Variants in PALLD observed in about 807,000 individuals in gnomAD.
The protein encoded by PALLD is palladin, cytoskeletal associated protein.
PALLD carries 61 observed loss-of-function variants against 123.5 expected under a neutral mutation model. That is an observed-to-expected ratio of 0.49 (90% CI 0.40 to 0.61). PALLD has a LOEUF of 0.61. Ranked by LOEUF, PALLD falls within the 20% of genes least tolerant of loss-of-function variation. PALLD has a pLI of 0.00. For synonymous variants in PALLD, 465 were observed against 496.4 expected (o/e 0.94, Z 0.84); for missense variants, 1,273 against 1,377.0 (o/e 0.92, Z 1.20).
At chr4:168,569,825 C>A (rs1255387914) in intron 2 of PALLD, among the ~76,000 whole-genome samples, 1 of 152,124 alleles carries the variant, frequency 6.6e-6, no homozygotes, top group African/African-American at 2.4e-5. Context: ...TTCATTAACT[C>A]TTCTGCTGCC....
At chr4:168,878,804 T>A (rs1752215704) in intron 10 of PALLD, among the ~76,000 whole-genome samples, 1 of 152,022 alleles carries the variant, frequency 6.6e-6, no homozygotes, top group Non-Finnish European at 1.5e-5. Context: ...CTGAGGAGTC[T>A]AGGAGTTAAA....
At position 168,927,325 on chromosome 4, in the gene PALLD, A is replaced by ACAT. The variant is rs1762692882; in HGVS notation, c.*1146_*1148dup. 1 of 232,220 alleles carries ACAT rather than the reference A, an allele frequency of 4.3e-6. No individual in the cohort carries two copies. The highest frequency in any genetic ancestry group is 2.2e-5 in the African/African-American group (1 of 45,288). The allele number at this position is 232,220 out of a possible 1,614,324, so 14.4% of individuals were successfully genotyped here. On this transcript the variant is annotated 3_prime_UTR_variant, in exon 22 of 22. Transcript: ENST00000505667. ...CAGGCTTTTCTTTGGTTTTCTTCAA[A>ACAT]CATAGGTGAAAAAAACACTGCCATT...
intron 2 of PALLD, among the ~76,000 whole-genome samples, chr4:168,589,181 G>A (rs1159728559): frequency 6.6e-6 from 1 of 152,210 alleles, no homozygotes; most frequent in Non-Finnish European, 1.5e-5. Context: ...TGATTGTAAT[G>A]TATGGTAAAT....
intron 10 of PALLD, among the ~76,000 whole-genome samples, chr4:168,772,682 T>C (rs1164859983): frequency 6.6e-6 from 1 of 152,220 alleles, no homozygotes; most frequent in East Asian, 1.9e-4. Flanking sequence ...GACACTGTAG[T>C]GGAGGCCAGC....
chr4:168,714,428 G>A (rs1785141236), intron 10 of PALLD, among the ~76,000 whole-genome samples: 2 of 152,114 alleles, frequency 1.3e-5, no homozygotes, highest in Admixed American at 1.3e-4. Context: ...TGTTCTCAAA[G>A]TTGTATTATT....
intron 1 of PALLD, among the ~76,000 whole-genome samples, chr4:168,497,738 G>A (rs1760899527): frequency 2.0e-5 from 3 of 152,194 alleles, no homozygotes; most frequent in South Asian, 2.1e-4. Context: ...TTATATTCAT[G>A]CATAAAATTT....
At chr4:168,586,358 A>T (rs1356283264) in intron 2 of PALLD, among the ~76,000 whole-genome samples, 1 of 151,900 alleles carries the variant, frequency 6.6e-6, no homozygotes, top group East Asian at 1.9e-4. Context: ...TTTTTTTTAC[A>T]CACCTTGTTA....
At chr4:168,866,172 G>A (rs1750256098) in intron 10 of PALLD, among the ~76,000 whole-genome samples, 1 of 152,112 alleles carries the variant, frequency 6.6e-6, no homozygotes, top group African/African-American at 2.4e-5. Flanking sequence ...GGCTGAGGCA[G>A]AAGGATCAGT....
At chr4:168,789,473 G>A (rs1318731387) in intron 10 of PALLD, among the ~76,000 whole-genome samples, 6 of 152,156 alleles carry the variant, frequency 3.9e-5, no homozygotes, top group African/African-American at 9.7e-5. Context: ...TTGGGAGGCC[G>A]AGGCAGGCGG....
In PALLD at chr4:168,508,415, C is replaced by G. The variant is rs926069163; in HGVS notation, c.-82-3008C>G. Among the ~76,000 whole-genome samples, 5 of 152,312 alleles carry G rather than the reference C, an allele frequency of 3.3e-5. No homozygotes were observed. The South Asian group carries it at 1.0e-3, about 32-fold the overall frequency. ...CATATCCCCGTCCCTAGCGCACTACCAGGCATGTGGTAGATAGTCCATAAA... is the reference window on the plus strand; with the variant it reads ...CATATCCCCGTCCCTAGCGCACTACGAGGCATGTGGTAGATAGTCCATAAA... On this transcript the variant is annotated intron_variant, in intron 1 of 21. Transcript: ENST00000505667.
chr4:168,575,200 C>G (rs1416446087), intron 2 of PALLD, among the ~76,000 whole-genome samples: 3 of 152,044 alleles, frequency 2.0e-5, no homozygotes, highest in African/African-American at 4.8e-5. Flanking sequence ...TGAGCTCCAC[C>G]CCACTTGGAT....
intron 10 of PALLD, 68 bp from the exon 11 acceptor site, chr4:168,890,854 C>A (rs138489875): frequency 6.5e-7 from 1 of 1,540,962 alleles, no homozygotes; most frequent in East Asian, 2.2e-5. Context: ...CTTTGTTGGA[C>A]TTGAACGTTT....
intron 2 of PALLD, among the ~76,000 whole-genome samples, chr4:168,562,099 A>G (rs1767927285): frequency 7.1e-6 from 1 of 141,142 alleles, no homozygotes; most frequent in Non-Finnish European, 1.6e-5. Flanking sequence ...CACAAGGATA[A>G]AAAAAAAAAA....
At position 168,711,803 on chromosome 4, in the gene PALLD, C is replaced by T; in HGVS notation, c.1844C>T (p.Pro615Leu). ...GAGAGGGAAACGAACGGAGTCCATC[C>T]CAGCCGTGGAGTAAATGGACTGATT... ...AAERETNGVH[P>L]SRGVNGLING... is the part of the protein sequence containing the mutation. The change falls in exon 10 of 22, where the codon CCC becomes CTC. Residue 615 changes from proline (P) to leucine (L), a missense_variant. By Grantham distance (98) the Pro-to-Leu change is moderately conservative. Coordinates refer to ENST00000505667, the MANE Select transcript of PALLD (RefSeq NM_001166108.2). 6.2e-7 allele frequency: 1 copy of T among 1,614,026 alleles called. No homozygotes were observed. Among genetic ancestry groups the T allele is most frequent in the Non-Finnish European group, 8.5e-7 (1 of 1,179,912 alleles).
At chr4:168,709,791 A>G (rs1392309125) in intron 9 of PALLD, among the ~76,000 whole-genome samples, 2 of 151,958 alleles carry the variant, frequency 1.3e-5, no homozygotes, top group Non-Finnish European at 2.9e-5. Flanking sequence ...AGTGGAGATG[A>G]CAAACAAAAA....
chr4:168,878,192 G>T lies in PALLD; in HGVS notation c.1965-12730G>T. ...ACCCCCGGTCTTCAGCCCCACGGCT[G>T]CCTTCCCGGTGCCCGACGTGTTCCC... is the stretch of plus-strand genomic sequence containing the variant. On this transcript the variant is annotated intron_variant, in intron 10 of 21. Transcript: ENST00000505667. 1 of 1,509,102 alleles carries T rather than the reference G, an allele frequency of 6.6e-7. No individual in the cohort carries two copies. Among genetic ancestry groups the T allele is most frequent in the Non-Finnish European group, 8.8e-7 (1 of 1,137,540 alleles). 93.5% of individuals were successfully genotyped at this position (1,509,102 alleles called of 1,614,324 possible).
chr4:168,650,629 A>T (rs1487462620), intron 2 of PALLD, among the ~76,000 whole-genome samples: 2 of 152,180 alleles, frequency 1.3e-5, no homozygotes, highest in Non-Finnish European at 2.9e-5. Context: ...ATGTATCCTA[A>T]ATTTTGTCAA....
chr4:168,807,161 A>C (rs1458696001), intron 10 of PALLD, among the ~76,000 whole-genome samples: 1 of 152,096 alleles, frequency 6.6e-6, no homozygotes, highest in African/African-American at 2.4e-5. Flanking sequence ...CCTAAGTAAA[A>C]GTTAGAAGGT....
In PALLD at chr4:168,913,918, T is replaced by C; in HGVS notation, c.2623-9T>C. 6.3e-7 allele frequency: 1 copy of C among 1,586,878 alleles called. No homozygotes were observed. The highest frequency in any genetic ancestry group is 8.7e-7 in the Non-Finnish European group (1 of 1,155,106). ...ATAGCAAATCATTTATTTCCTGATA[T>C]TTCTACAGGGCCGCATCAGTTGTAC... On this transcript the variant is annotated splice_polypyrimidine_tract_variant and intron_variant, in intron 15 of 21. Transcript: ENST00000505667.
Sources: gnomAD v4.1 joint callset for allele counts (sites outside exome capture counted in the v4.1 genomes callset) on GRCh38, gnomAD v4.1.1 for gene constraint, MANE v1.5 for transcripts, NCBI Gene and HGNC (gene_info 2026-07-23, HGNC 2026-07-21) for gene names.